The following LRRTM4 variants were observed in gnomAD, a reference collection of about 807,000 sequenced individuals.
LRRTM4 encodes the protein leucine-rich repeat transmembrane neuronal protein 4.
In LRRTM4, 25 loss-of-function variants were observed where a neutral mutation model predicts 47.6. That is an observed-to-expected ratio of 0.53 (90% CI 0.38 to 0.73). The LOEUF (loss-of-function observed/expected upper bound fraction) is 0.73. Among genes scored for constraint, LRRTM4 ranks in the 30% least tolerant of loss-of-function variants. The pLI is 0.00. For synonymous variants in LRRTM4, 311 were observed against 269.5 expected (o/e 1.15, Z -1.51); for missense variants, 638 against 713.4 (o/e 0.89, Z 1.20).
intron 3 of LRRTM4, among the ~76,000 whole-genome samples, chr2:76,794,024 A>C (rs1443132804): frequency 6.6e-6 from 1 of 152,152 alleles, no homozygotes; most frequent in African/African-American, 2.4e-5. Flanking sequence ...TAATCTGTAT[A>C]AGCCAAAACT....
At position 76,772,351 on chromosome 2, in the gene LRRTM4, C is replaced by T. The variant is rs559768904; in HGVS notation, c.1552-23435G>A. Reference sequence around the variant, plus strand: ...AATTAAAGCCACCCAGTCTAGGGTACTTTTTGTTATAGCAGCCTGAACAGA... The same window carrying T: ...AATTAAAGCCACCCAGTCTAGGGTATTTTTTGTTATAGCAGCCTGAACAGA... On this transcript the variant is annotated intron_variant, in intron 3 of 3. Transcript: ENST00000409884. Among the ~76,000 whole-genome samples, 588 of 152,084 alleles carry T rather than the reference C, an allele frequency of 3.9e-3. 10 individuals are homozygous for T. The South Asian group carries it at 0.05, about 13-fold the overall frequency.
chr2:77,262,348 C>T (rs144226202), intron 3 of LRRTM4, among the ~76,000 whole-genome samples: 39 of 152,214 alleles, frequency 2.6e-4, no homozygotes, highest in African/African-American at 9.4e-4. Context: ...GTCCTTGCTG[C>T]CAGAAAGGTT....
intron 3 of LRRTM4, among the ~76,000 whole-genome samples, chr2:77,000,009 C>T (rs1368919711): frequency 6.6e-6 from 1 of 152,006 alleles, no homozygotes; most frequent in East Asian, 1.9e-4. Context: ...GAAAGCTGTA[C>T]AATAGACTGT....
intron 3 of LRRTM4, among the ~76,000 whole-genome samples, chr2:77,475,052 G>T (rs1677332733): frequency 6.6e-6 from 1 of 152,042 alleles, no homozygotes; most frequent in African/African-American, 2.4e-5. Flanking sequence ...CTGACTTTTT[G>T]AAAATCAGAC....
rs550416245 is a variant in LRRTM4, at chr2:76,811,430, G to T, written c.1552-62514C>A. Among the ~76,000 whole-genome samples, 3 of 152,256 alleles carry T rather than the reference G, an allele frequency of 2.0e-5. No individual in the cohort carries two copies. The South Asian group carries it at 6.2e-4, about 32-fold the overall frequency. ...TGTGAGCAAGGACAAAACAACATTGGCTGGGGACTCTTGGGAGGAAATCAA... is the reference window on the plus strand; with the variant it reads ...TGTGAGCAAGGACAAAACAACATTGTCTGGGGACTCTTGGGAGGAAATCAA... On this transcript the variant is annotated intron_variant, in intron 3 of 3. Coordinates refer to ENST00000409884, the MANE Select transcript of LRRTM4 (RefSeq NM_001134745.3).
At chr2:77,222,390 A>C (rs2103950937) in intron 3 of LRRTM4, among the ~76,000 whole-genome samples, 1 of 152,290 alleles carries the variant, frequency 6.6e-6, no homozygotes, top group African/African-American at 2.4e-5. Flanking sequence ...GACACAAAAA[A>C]CCCTTCAAAA....
At chr2:77,177,687 A>G (rs1673237824) in intron 3 of LRRTM4, among the ~76,000 whole-genome samples, 1 of 152,196 alleles carries the variant, frequency 6.6e-6, no homozygotes, top group Non-Finnish European at 1.5e-5. Flanking sequence ...ATTGGAATCC[A>G]CACTTTCAAA....
intron 3 of LRRTM4, among the ~76,000 whole-genome samples, chr2:76,992,430 A>G (rs986011317): frequency 6.6e-5 from 10 of 151,838 alleles, no homozygotes; most frequent in African/African-American, 2.2e-4. Flanking sequence ...CCATTTTATT[A>G]AAGTTTGGGG....
At chr2:77,076,317 A>C (rs1331570929) in intron 3 of LRRTM4, among the ~76,000 whole-genome samples, 6 of 152,194 alleles carry the variant, frequency 3.9e-5, no homozygotes, top group African/African-American at 1.2e-4. Flanking sequence ...CACAGGCTGC[A>C]ATGTATTTGC....
intron 3 of LRRTM4, among the ~76,000 whole-genome samples, chr2:77,366,649 A>T (rs992918021): frequency 6.6e-6 from 1 of 151,868 alleles, no homozygotes; most frequent in Non-Finnish European, 1.5e-5. Context: ...CTAAAACTTG[A>T]TCACTTCCAG....
At chr2:77,059,120 T>A (rs908893874) in intron 3 of LRRTM4, among the ~76,000 whole-genome samples, 2 of 152,174 alleles carry the variant, frequency 1.3e-5, no homozygotes, top group African/African-American at 4.8e-5. Context: ...GCAATGGTTT[T>A]CAAGATCTGT....
chr2:77,243,306 A>T (rs1675322809), intron 3 of LRRTM4, among the ~76,000 whole-genome samples: 1 of 151,282 alleles, frequency 6.6e-6, no homozygotes, highest in Non-Finnish European at 1.5e-5. Context: ...GCTACTCAGG[A>T]GGCTGAGGCA....
chr2:77,457,825 C>T (rs144025815), intron 3 of LRRTM4, among the ~76,000 whole-genome samples: 287 of 152,218 alleles, frequency 1.9e-3, no homozygotes, highest in African/African-American at 6.6e-3. Flanking sequence ...AATATCATCA[C>T]CTGGCACCTT....
chr2:77,364,220 AC>A (rs1558708472), intron 3 of LRRTM4, among the ~76,000 whole-genome samples: 1 of 152,128 alleles, frequency 6.6e-6, no homozygotes, highest in Non-Finnish European at 1.5e-5. Flanking sequence ...TCATAGCAGG[AC>A]AAGTGGCTTC....
At chr2:76,843,577 T>G (rs1415874137) in intron 3 of LRRTM4, among the ~76,000 whole-genome samples, 1 of 152,216 alleles carries the variant, frequency 6.6e-6, no homozygotes, top group African/African-American at 2.4e-5. Context: ...TAAATTATTT[T>G]TGTACATCTG....
Position 76,931,740 on chromosome 2 carries a change from C to A in LRRTM4, c.1552-182824G>T, listed in dbSNP as rs184256621. Among the ~76,000 whole-genome samples the A allele has an allele frequency of 2.4e-4, 36 of 152,070 alleles. No individual in the cohort carries two copies. The East Asian group carries it at 6.8e-3, about 29-fold the overall frequency. ...AAATTCATTTGGCCCTCAGTTCCAA[C>A]GTACTTTTTTCTGTCCAGGTTTACC... On this transcript the variant is annotated intron_variant, in intron 3 of 3. Coordinates refer to ENST00000409884, the MANE Select transcript of LRRTM4 (RefSeq NM_001134745.3).
intron 3 of LRRTM4, chr2:77,516,594 T>G: frequency 1.0e-6 from 1 of 981,696 alleles, no homozygotes; most frequent in Non-Finnish European, 1.2e-6. Flanking sequence ...TAGGATGAAC[T>G]TGTGTTACTA....
chr2:77,214,058 T>A (rs975153648), intron 3 of LRRTM4, among the ~76,000 whole-genome samples: 1 of 152,180 alleles, frequency 6.6e-6, no homozygotes, highest in Non-Finnish European at 1.5e-5. Flanking sequence ...GGTCTCCTAA[T>A]GAGCTTAAAC....
chr2:76,781,905 G>C (rs1221887206), intron 3 of LRRTM4, among the ~76,000 whole-genome samples: 1 of 151,980 alleles, frequency 6.6e-6, no homozygotes, highest in African/African-American at 2.4e-5. Flanking sequence ...AAACTCATCT[G>C]CTGCCTCTTG....
Sources: allele counts gnomAD v4.1 joint callset (sites outside exome capture counted in the v4.1 genomes callset), GRCh38; gene constraint gnomAD v4.1.1; transcripts MANE v1.5; gene names NCBI Gene and HGNC (gene_info 2026-07-23, HGNC 2026-07-21).